The following CAMTA1 variants were observed in gnomAD, a reference collection of about 807,000 sequenced individuals.
The protein encoded by CAMTA1 is calmodulin binding transcription activator 1, also known as calmodulin-binding transcription activator 1.
CAMTA1 carries 27 observed loss-of-function variants against 170.9 expected under a neutral mutation model. The observed-to-expected ratio is 0.16, with a 90% confidence interval of 0.12 to 0.22. CAMTA1 has a LOEUF of 0.22. Ranked by LOEUF, CAMTA1 falls within the 10% of genes least tolerant of loss-of-function variation. The pLI, the probability that CAMTA1 is intolerant of heterozygous loss-of-function variation, is 1.00. For synonymous variants in CAMTA1, 833 were observed against 891.5 expected (o/e 0.93, Z 1.17); for missense variants, 1,619 against 2,217.2 (o/e 0.73, Z 5.42).
chr1:7,276,363 G>T (rs1670727404), intron 5 of CAMTA1, among the ~76,000 whole-genome samples: 1 of 136,424 alleles, frequency 7.3e-6, no homozygotes, highest in South Asian at 2.4e-4. Flanking sequence ...AGGCTGGAGT[G>T]CAATGGTGTG....
At chr1:7,112,242 C>T (rs1450728612) in intron 4 of CAMTA1, among the ~76,000 whole-genome samples, 2 of 152,174 alleles carry the variant, frequency 1.3e-5, no homozygotes, top group African/African-American at 4.8e-5. Context: ...CAAACCCATT[C>T]TCTTACTTTT....
chr1:7,398,958 CTTAA>C (rs1305040214), intron 5 of CAMTA1, among the ~76,000 whole-genome samples: 1 of 152,024 alleles, frequency 6.6e-6, no homozygotes, highest in African/African-American at 2.4e-5. Flanking sequence ...AATTTTGTTG[CTTAA>C]TTTATATCTT....
chr1:7,035,861 T>G (rs1314932121), intron 3 of CAMTA1, among the ~76,000 whole-genome samples: 11 of 152,206 alleles, frequency 7.2e-5, no homozygotes, highest in Admixed American at 5.2e-4. Context: ...GCAAATAAAT[T>G]GCAGTATTCT....
chr1:7,617,078 G>A (rs1047728456), intron 6 of CAMTA1, among the ~76,000 whole-genome samples: 1 of 152,136 alleles, frequency 6.6e-6, no homozygotes, highest in Non-Finnish European at 1.5e-5. Context: ...AGCCCTTCCC[G>A]CGGGGGAAAT....
intron 6 of CAMTA1, among the ~76,000 whole-genome samples, chr1:7,558,235 A>G (rs978763831): frequency 6.6e-6 from 1 of 152,110 alleles, no homozygotes; most frequent in Non-Finnish European, 1.5e-5. Flanking sequence ...TCTCCTGCTC[A>G]TGGCGCCAGG....
chr1:6,861,584 T>C (rs1026624254), intron 3 of CAMTA1, among the ~76,000 whole-genome samples: 13 of 152,190 alleles, frequency 8.5e-5, no homozygotes, highest in African/African-American at 2.7e-4. Flanking sequence ...CCCATTTACA[T>C]TGAACTGCAT....
intron 22 of CAMTA1, among the ~76,000 whole-genome samples, chr1:7,764,994 C>T (rs1452942873): frequency 6.6e-6 from 1 of 151,848 alleles, no homozygotes; most frequent in Non-Finnish European, 1.5e-5. Context: ...ACTGGTATAA[C>T]TTAAGATAAT....
At chr1:7,011,778 C>T (rs1040843313) in intron 3 of CAMTA1, among the ~76,000 whole-genome samples, 5 of 152,196 alleles carry the variant, frequency 3.3e-5, no homozygotes, top group South Asian at 2.1e-4. Flanking sequence ...CTGGTGTGTC[C>T]GCAGTGCCAG....
At position 7,674,427 on chromosome 1, in the gene CAMTA1, A is replaced by G. The variant is rs752620803; in HGVS notation, c.2780-3172A>G. Among the ~76,000 whole-genome samples the G allele has an allele frequency of 1.3e-5, 2 of 152,186 alleles. No individual in the cohort carries two copies. The highest frequency in any genetic ancestry group is 2.9e-5 in the Non-Finnish European group (2 of 68,032). ...TAGGGGAATCCACCAAGAAGACTCTACTGGCCAGAGAGCCCTACTCTGGAT... is the reference window on the plus strand; with the variant it reads ...TAGGGGAATCCACCAAGAAGACTCTGCTGGCCAGAGAGCCCTACTCTGGAT... On this transcript the variant is annotated intron_variant, in intron 10 of 22. Coordinates refer to ENST00000303635, the MANE Select transcript of CAMTA1 (RefSeq NM_015215.4). The surrounding 1 kb of genome is among the most constrained non-coding windows in gnomAD (Gnocchi z 4.1).
intron 6 of CAMTA1, among the ~76,000 whole-genome samples, chr1:7,533,496 G>T (rs2094514763): frequency 6.6e-6 from 1 of 152,242 alleles, no homozygotes; most frequent in African/African-American, 2.4e-5. Flanking sequence ...GGAGGTAGAG[G>T]TGGGGTGTCC....
intron 4 of CAMTA1, among the ~76,000 whole-genome samples, chr1:7,098,487 T>C (rs1466867654): frequency 3.9e-5 from 6 of 152,322 alleles, no homozygotes; most frequent in South Asian, 2.1e-4. Context: ...GAGGACTTCC[T>C]CGCAGGGTAC....
intron 3 of CAMTA1, among the ~76,000 whole-genome samples, chr1:6,913,347 C>A (rs1680113719): frequency 6.6e-6 from 1 of 152,300 alleles, no homozygotes; most frequent in South Asian, 2.1e-4. Context: ...ACGGTCAGAG[C>A]TCTGCTGAGG....
intron 6 of CAMTA1, among the ~76,000 whole-genome samples, chr1:7,552,811 G>T (rs1050444473): frequency 6.6e-6 from 1 of 152,212 alleles, no homozygotes; most frequent in African/African-American, 2.4e-5. Flanking sequence ...TCCCGGGATG[G>T]CGTGCTCAGA....
intron 3 of CAMTA1, among the ~76,000 whole-genome samples, chr1:6,960,711 C>T (rs1690251347): frequency 1.3e-5 from 2 of 152,232 alleles, no homozygotes; most frequent in South Asian, 2.1e-4. Flanking sequence ...GCAGAGCCCA[C>T]TCTGCCTTTG....
chr1:7,322,508 A>G (rs555243095), intron 5 of CAMTA1, among the ~76,000 whole-genome samples: 107 of 152,400 alleles, frequency 7.0e-4, no homozygotes, highest in African/African-American at 2.5e-3. Flanking sequence ...ACAGATGGCC[A>G]CTATGGGCAA....
Position 7,682,201 on chromosome 1 carries a change from G to A in CAMTA1, c.2914+4468G>A, listed in dbSNP as rs575064101. 3.3e-5 allele frequency among the ~76,000 whole-genome samples: 5 copies of A among 152,306 alleles called. No individual in the cohort carries two copies. The highest frequency in any genetic ancestry group is 7.2e-5 in the African/African-American group (3 of 41,568). ...GGGACCCTGTCATCTCAGGCAGAGCGGGGAGCATGGACTAAAAGCTCAAAC... is the reference window on the plus strand; with the variant it reads ...GGGACCCTGTCATCTCAGGCAGAGCAGGGAGCATGGACTAAAAGCTCAAAC... On this transcript the variant is annotated intron_variant, in intron 11 of 22. Coordinates refer to ENST00000303635, the MANE Select transcript of CAMTA1 (RefSeq NM_015215.4). The surrounding 1 kb of genome is among the most constrained non-coding windows in gnomAD (Gnocchi z 5.0).
At chr1:7,388,857 C>T (rs1329078092) in intron 5 of CAMTA1, among the ~76,000 whole-genome samples, 3 of 152,208 alleles carry the variant, frequency 2.0e-5, no homozygotes. Context: ...GGCCCTGAGG[C>T]CTCTGAGCCC....
intron 6 of CAMTA1, among the ~76,000 whole-genome samples, chr1:7,477,433 C>G (rs777818606): frequency 1.3e-5 from 2 of 152,158 alleles, no homozygotes; most frequent in Non-Finnish European, 2.9e-5. Flanking sequence ...TGGGAATTTA[C>G]GGTGCTGTGC....
intron 6 of CAMTA1, among the ~76,000 whole-genome samples, chr1:7,574,677 C>T (rs896238975): frequency 2.0e-5 from 3 of 152,320 alleles, no homozygotes; most frequent in South Asian, 2.1e-4. Flanking sequence ...AGCTCTGTCC[C>T]GTGCCAAGCC....
Sources: allele counts gnomAD v4.1 joint callset (sites outside exome capture counted in the v4.1 genomes callset), GRCh38; gene constraint gnomAD v4.1.1; non-coding constraint Gnocchi (gnomAD v3.1); transcripts MANE v1.5; gene names NCBI Gene and HGNC (gene_info 2026-07-23, HGNC 2026-07-21).